The following GPR137B variants were observed in gnomAD, a reference collection of about 807,000 sequenced individuals.
The protein encoded by GPR137B is G protein-coupled receptor 137B.
Under a neutral mutation model 42.5 loss-of-function variants are expected in GPR137B, and 42 were observed. That is an observed-to-expected ratio of 0.99 (90% CI 0.77 to 1.28). The LOEUF is 1.28. Ranked by LOEUF, GPR137B falls within the 50% of genes most tolerant of loss-of-function variation. The pLI, the probability that GPR137B is intolerant of heterozygous loss-of-function variation, is 0.00. For synonymous variants in GPR137B, 218 were observed against 209.7 expected, an observed-to-expected ratio of 1.04 and a Z score of -0.34; for missense variants, 487 against 493.9, an observed-to-expected ratio of 0.99 and a Z score of 0.13.
At chr1:236,168,424 GAA>G (rs199657686) in intron 1 of GPR137B, among the ~76,000 whole-genome samples, 14 of 85,572 alleles carry the variant, frequency 1.6e-4, no homozygotes, top group Non-Finnish European at 1.5e-4. Flanking sequence ...ATTCTGTCTC[GAA>G]AAAAAAAAAA....
Position 236,178,709 on chromosome 1 carries a change from C to T in GPR137B, c.687+73C>T, listed in dbSNP as rs1438733518. ...AAGAGTTTCCTGGTTTGCAAAAGTA[C>T]ATTTTGATGAATTTTAGACTTGATT... On this transcript the variant is annotated intron_variant, in intron 3 of 6. Transcript: ENST00000366592. 14 of 827,606 alleles carry T rather than the reference C, an allele frequency of 1.7e-5. No homozygotes were observed. The Admixed American group carries it at 2.2e-4, about 13-fold the overall frequency. The allele number at this position is 827,606 out of a possible 1,614,324, so 51.3% of individuals were successfully genotyped here.
chr1:236,208,739 T>G lies in GPR137B; in HGVS notation c.*581T>G, dbSNP rs1663741586. 6.1e-6 allele frequency: 5 copies of G among 818,492 alleles called. No individual in the cohort carries two copies. Among genetic ancestry groups the G allele is most frequent in the African/African-American group, 1.9e-5 (1 of 53,370 alleles). The allele number at this position is 818,492 out of a possible 1,614,324, so 50.7% of individuals were successfully genotyped here. A position where few individuals can be genotyped will look rare whatever the true frequency, so the allele number is the denominator to read the frequency against. On this transcript the variant is annotated 3_prime_UTR_variant, in exon 7 of 7. Coordinates refer to ENST00000366592, the MANE Select transcript of GPR137B (RefSeq NM_003272.4). ...CAGCAGACTGTAAGGTCTTTAGAGA[T>G]TTTTTTTTTAAGGTTCAGGCCGTAG...
intron 2 of GPR137B, 41 bp from the exon 3 acceptor site, chr1:236,178,373 C>T (rs779370340): frequency 8.4e-7 from 1 of 1,186,136 alleles, no homozygotes; most frequent in Non-Finnish European, 1.3e-6. Context: ...TCTAGACTGA[C>T]CTGGGATGTG....
Position 236,208,808 on chromosome 1 carries a change from T to A in GPR137B, c.*650T>A. 6.1e-6 allele frequency: 6 copies of A among 985,072 alleles called. No individual in the cohort carries two copies. Among genetic ancestry groups the A allele is most frequent in the Non-Finnish European group, 6.0e-6 (5 of 829,630 alleles). 61.0% of individuals were successfully genotyped at this position (985,072 alleles called of 1,614,324 possible). Reference sequence around the variant, plus strand: ...TAAGTTTTGCCCAAAGACTGGTACTTCCTTTCAGTAGGGCGCTAATGTATA... The same window carrying A: ...TAAGTTTTGCCCAAAGACTGGTACTACCTTTCAGTAGGGCGCTAATGTATA... On this transcript the variant is annotated 3_prime_UTR_variant, in exon 7 of 7. Coordinates refer to ENST00000366592, the MANE Select transcript of GPR137B (RefSeq NM_003272.4).
chr1:236,189,193 A>G (rs904519676), intron 5 of GPR137B, among the ~76,000 whole-genome samples: 1 of 151,924 alleles, frequency 6.6e-6, no homozygotes, highest in African/African-American at 2.4e-5. Flanking sequence ...TATTGCGTCT[A>G]TTTGATTCTT....
intron 5 of GPR137B, among the ~76,000 whole-genome samples, chr1:236,190,161 T>C (rs1265666812): frequency 6.6e-6 from 1 of 150,896 alleles, no homozygotes. Flanking sequence ...TTTTTTTTTT[T>C]TTTTTTGCTT....
In GPR137B at chr1:236,165,284, G is replaced by A. The variant is rs77599210; in HGVS notation, c.415-3422G>A. The stretch of plus-strand genomic sequence containing the variant: ...CCATGGTCAAGGCTTTTATTTTGAT[G>A]TTTGCACCATGGCTTTGAGCTTGGG... On this transcript the variant is annotated intron_variant, in intron 1 of 6. Transcript: ENST00000366592. Among the ~76,000 whole-genome samples, 1,298 of 152,310 alleles carry A rather than the reference G, an allele frequency of 8.5e-3. 19 individuals carry two copies. The highest frequency in any genetic ancestry group is 0.029 in the African/African-American group (1,208 of 41,574).
In GPR137B at chr1:236,206,956, G is replaced by A. The variant is rs79369527; in HGVS notation, c.1092-1094G>A. Among the ~76,000 whole-genome samples, 993 of 152,226 alleles carry A rather than the reference G, an allele frequency of 6.5e-3. 12 individuals carry two copies. Among genetic ancestry groups the A allele is most frequent in the African/African-American group, 0.022 (907 of 41,536 alleles). Reference sequence around the variant, plus strand: ...AAGGGGAGCTTCTTAGAAAGTGAAAGGTTATCTTATGTAATCTTTTGTAAG... The same window carrying A: ...AAGGGGAGCTTCTTAGAAAGTGAAAAGTTATCTTATGTAATCTTTTGTAAG... On this transcript the variant is annotated intron_variant, in intron 6 of 6. Coordinates refer to ENST00000366592, the MANE Select transcript of GPR137B (RefSeq NM_003272.4).
intron 1 of GPR137B, 37 bp from the exon 2 acceptor site, chr1:236,168,669 T>C (rs1487839146): frequency 6.4e-7 from 1 of 1,564,098 alleles, no homozygotes; most frequent in East Asian, 2.2e-5. Flanking sequence ...TGTCAACATA[T>C]TGGACCCCAA....
chr1:236,206,707 A>C, intron 6 of GPR137B, among the ~76,000 whole-genome samples: 1 of 152,272 alleles, frequency 6.6e-6, no homozygotes, highest in African/African-American at 2.4e-5. Flanking sequence ...CATGGTCTGC[A>C]AACAGGAAGG....
intron 5 of GPR137B, among the ~76,000 whole-genome samples, chr1:236,190,197 C>T (rs542414457): frequency 2.0e-5 from 3 of 146,752 alleles, no homozygotes; most frequent in East Asian, 2.0e-4. Flanking sequence ...AATATTCCTC[C>T]GTCCCTTTAT....
chr1:236,190,298 G>T (rs933944442), intron 5 of GPR137B, among the ~76,000 whole-genome samples: 1 of 152,030 alleles, frequency 6.6e-6, no homozygotes, highest in African/African-American at 2.4e-5. Flanking sequence ...TTGCCAGTCT[G>T]TGTCTTTTAA....
rs1388144168 is a variant in GPR137B, at chr1:236,142,613, G to T, written c.-10G>T. The T allele has an allele frequency of 1.5e-6, 2 of 1,324,364 alleles. No individual in the cohort carries two copies. Among genetic ancestry groups the T allele is most frequent in the Admixed American group, 4.1e-5 (1 of 24,486 alleles). 82.0% of individuals were successfully genotyped at this position (1,324,364 alleles called of 1,614,324 possible). Reference sequence around the variant, plus strand: ...GACCCCCGCGGGGGCGGCGGCGGCCGTGAGCCCCGATGAGGCCCGAGCGTC... The same window carrying T: ...GACCCCCGCGGGGGCGGCGGCGGCCTTGAGCCCCGATGAGGCCCGAGCGTC... On this transcript the variant is annotated 5_prime_UTR_variant, in exon 1 of 7. Coordinates refer to ENST00000366592, the MANE Select transcript of GPR137B (RefSeq NM_003272.4).
chr1:236,154,545 TCCCC>T (rs1661960353), intron 1 of GPR137B, among the ~76,000 whole-genome samples: 1 of 149,512 alleles, frequency 6.7e-6, no homozygotes, highest in African/African-American at 2.5e-5. Flanking sequence ...GTGAGGAGCT[TCCCC>T]CGTTACCCAC....
chr1:236,151,533 C>T (rs1292074348), intron 1 of GPR137B, among the ~76,000 whole-genome samples: 1 of 150,160 alleles, frequency 6.7e-6, no homozygotes, highest in Non-Finnish European at 1.5e-5. Flanking sequence ...AAGTGATTCT[C>T]CTGCCACAGC....
chr1:236,178,340 A>T, intron 2 of GPR137B, 74 bp from the exon 3 acceptor site: 1 of 872,756 alleles, frequency 1.1e-6, no homozygotes, highest in Non-Finnish European at 1.9e-6. Context: ...CTAGCAGTTC[A>T]CCAAAACACA....
chr1:236,178,806 T>G (rs1186037679), intron 3 of GPR137B, among the ~76,000 whole-genome samples, 170 bp downstream of exon 3: 2 of 103,892 alleles, frequency 1.9e-5, no homozygotes, highest in Admixed American at 2.0e-4. Flanking sequence ...TTTTTTTTTT[T>G]TTTTTTTTTG....
chr1:236,199,774 A>G (rs372051427), intron 5 of GPR137B, among the ~76,000 whole-genome samples: 2 of 152,060 alleles, frequency 1.3e-5, no homozygotes, highest in African/African-American at 4.8e-5. Context: ...CTAATGGTCT[A>G]TCAATTTTGT....
intron 1 of GPR137B, among the ~76,000 whole-genome samples, chr1:236,154,320 C>T (rs564459874): frequency 8.5e-5 from 13 of 152,226 alleles, no homozygotes; most frequent in African/African-American, 1.4e-4. Flanking sequence ...GTGAACAGCA[C>T]GCGTCATCCG....
Sources: gnomAD v4.1 joint callset for allele counts (sites outside exome capture counted in the v4.1 genomes callset) on GRCh38, gnomAD v4.1.1 for gene constraint, MANE v1.5 for transcripts, NCBI Gene and HGNC (gene_info 2026-07-23, HGNC 2026-07-21) for gene names.